PCDH15: variants seen among roughly 807,000 people sequenced by gnomAD.
PCDH15 encodes the protein protocadherin related 15.
Under a neutral mutation model 178.5 loss-of-function variants are expected in PCDH15, and 129 were observed. That is an observed-to-expected ratio of 0.72 (90% CI 0.63 to 0.84). The LOEUF is 0.84. PCDH15 is among the 40% of genes least tolerant of loss of function. The pLI, the probability that PCDH15 is intolerant of heterozygous loss-of-function variation, is 0.00. For missense variants in PCDH15, 2,230 were observed against 2,099.9 expected (o/e 1.06, Z -1.21); for synonymous variants, 800 against 732.0 (o/e 1.09, Z -1.50).
chr10:53,878,337 CTA>C lies in PCDH15; in HGVS notation c.3502-11482_3502-11481del, dbSNP rs2080418875. Reference sequence around the variant, plus strand: ...ATTCTATATATATAGTCTATATAGTCTATATATAATAGACTATATATACTCAT... The same window carrying C: ...ATTCTATATATATAGTCTATATAGTCTATATAATAGACTATATATACTCAT... On this transcript the variant is annotated intron_variant, in intron 26 of 37. Coordinates refer to ENST00000644397, the MANE Select transcript of PCDH15 (RefSeq NM_001384140.1). Among the ~76,000 whole-genome samples the C allele has an allele frequency of 4.1e-5, 4 of 98,266 alleles. No homozygotes were observed. The South Asian group carries it at 1.3e-3, about 32-fold the overall frequency. The allele number at this position is 98,266 out of a possible 152,430, so 64.5% of individuals were successfully genotyped here.
chr10:54,949,133 C>T (rs1352621244), intron 2 of PCDH15, among the ~76,000 whole-genome samples: 4 of 151,734 alleles, frequency 2.6e-5, no homozygotes, highest in Non-Finnish European at 5.9e-5. Flanking sequence ...CATAAATTTT[C>T]CCCTAACTTT....
intron 3 of PCDH15, among the ~76,000 whole-genome samples, 180 bp from the exon 4 acceptor site, chr10:54,379,122 T>C (rs1948858091): frequency 6.6e-6 from 1 of 152,140 alleles, no homozygotes; most frequent in Non-Finnish European, 1.5e-5. Context: ...CTGCATTATA[T>C]TATTTATAAA....
At chr10:54,386,427 G>A (rs1258376439) in intron 3 of PCDH15, among the ~76,000 whole-genome samples, 3 of 152,034 alleles carry the variant, frequency 2.0e-5, no homozygotes, top group Non-Finnish European at 2.9e-5. Flanking sequence ...ATTTAAGAAA[G>A]AGGAAGATTG....
rs929785567 is a variant in PCDH15 at position 54,639,438 on chromosome 10, C to CA, written c.91+24733dup. On this transcript the variant is annotated intron_variant, in intron 2 of 37. Transcript: ENST00000644397. ...TTCTTCATTTTGTTACATTAAAAGG[C>CA]AAAAAAAAAGGTCTCAGAAGTTTAA... Among the ~76,000 whole-genome samples the CA allele has an allele frequency of 3.2e-3, 475 of 147,506 alleles. 4 individuals are homozygous for CA. The highest frequency in any genetic ancestry group is 0.011 in the African/African-American group (439 of 40,192).
chr10:54,792,648 G>T (rs1358279218), intron 1 of PCDH15, among the ~76,000 whole-genome samples: 11 of 151,830 alleles, frequency 7.2e-5, no homozygotes, highest in Non-Finnish European at 1.5e-4. Context: ...CTTGAACTCA[G>T]ACTGGATCAA....
At chr10:54,307,842 A>G (rs955441762) in intron 8 of PCDH15, among the ~76,000 whole-genome samples, 2 of 152,052 alleles carry the variant, frequency 1.3e-5, no homozygotes, top group Non-Finnish European at 2.9e-5. Flanking sequence ...TTAATAACTA[A>G]TTTGAATTAG....
chr10:53,852,207 T>C (rs1033390239), intron 28 of PCDH15, among the ~76,000 whole-genome samples: 4 of 152,114 alleles, frequency 2.6e-5, no homozygotes, highest in African/African-American at 9.6e-5. Context: ...GACAATTATT[T>C]GCCAATTATT....
At chr10:53,859,358 G>A (rs748052183) in intron 27 of PCDH15, among the ~76,000 whole-genome samples, 1 of 152,120 alleles carries the variant, frequency 6.6e-6, no homozygotes, top group African/African-American at 2.4e-5. Flanking sequence ...AACATTAGCA[G>A]GATACTGGAA....
At chr10:55,071,413 A>T (rs1459031698) in intron 2 of PCDH15, among the ~76,000 whole-genome samples, 1 of 152,182 alleles carries the variant, frequency 6.6e-6, no homozygotes, top group East Asian at 1.9e-4. Flanking sequence ...TCTACCAAGC[A>T]AATGGAAAAC....
At chr10:54,812,311 C>T (rs1364284845) in intron 3 of PCDH15, among the ~76,000 whole-genome samples, 5 of 147,244 alleles carry the variant, frequency 3.4e-5, no homozygotes, top group African/African-American at 1.3e-4. Context: ...CGCTCTGACA[C>T]TCAGGCTGAA....
At chr10:54,208,461 T>C (rs1319861045) in intron 10 of PCDH15, among the ~76,000 whole-genome samples, 1 of 151,922 alleles carries the variant, frequency 6.6e-6, no homozygotes, top group Non-Finnish European at 1.5e-5. Context: ...CTCATAAAAG[T>C]AGTTAGTGTC....
intron 1 of PCDH15, among the ~76,000 whole-genome samples, chr10:55,206,372 GTC>G (rs1840402972): frequency 6.6e-6 from 1 of 152,086 alleles, no homozygotes; most frequent in East Asian, 1.9e-4. Context: ...ACTTTTCCAA[GTC>G]TCTTTCCCAT....
At chr10:55,300,160 C>T (rs971552433) in intron 1 of PCDH15, among the ~76,000 whole-genome samples, 2 of 152,150 alleles carry the variant, frequency 1.3e-5, no homozygotes, top group African/African-American at 2.4e-5. Context: ...GTTTACCCTA[C>T]ATTAGCCTCT....
intron 2 of PCDH15, among the ~76,000 whole-genome samples, chr10:54,576,878 C>A (rs1198307618): frequency 1.3e-5 from 2 of 152,010 alleles, no homozygotes; most frequent in African/African-American, 4.8e-5. Context: ...GTGTTTCAGA[C>A]ATTTGTGAAA....
chr10:54,101,006 G>C (rs1416159616), intron 15 of PCDH15, among the ~76,000 whole-genome samples: 1 of 152,156 alleles, frequency 6.6e-6, no homozygotes, highest in Non-Finnish European at 1.5e-5. Flanking sequence ...GGTTGATATG[G>C]CTTGTCTGTG....
chr10:55,384,663 G>A (rs1157777523), intron 2 of PCDH15, among the ~76,000 whole-genome samples: 4 of 151,778 alleles, frequency 2.6e-5, no homozygotes, highest in Non-Finnish European at 5.9e-5. Context: ...AAATACTATT[G>A]CAACATTTAA....
intron 2 of PCDH15, among the ~76,000 whole-genome samples, chr10:55,049,349 GA>G (rs1841097938): frequency 6.6e-6 from 1 of 151,790 alleles, no homozygotes; most frequent in East Asian, 1.9e-4. Context: ...TGTATCTTCA[GA>G]CAACATGAAA....
chr10:54,111,131 G>A (rs552221616), intron 15 of PCDH15, among the ~76,000 whole-genome samples: 1 of 152,074 alleles, frequency 6.6e-6, no homozygotes, highest in Non-Finnish European at 1.5e-5. Flanking sequence ...AAAAATTACA[G>A]CCTTTATATA....
Position 55,425,019 on chromosome 10 carries a change from G to T in PCDH15, c.-156+202606C>A, listed in dbSNP as rs1056682214. On this transcript the variant is annotated intron_variant, in intron 2 of 5. Coordinates refer to the PCDH15 transcript ENST00000613346. ...TAAGAAACAGATCAAATTATAGAAA[G>T]TATTAAGGGGATATTATTAAATTGA... Among the ~76,000 whole-genome samples the T allele has an allele frequency of 1.5e-4, 23 of 151,772 alleles. No individual in the cohort carries two copies. In the East Asian group the frequency reaches 4.3e-3, roughly 28 times the overall value.
Sources: allele counts gnomAD v4.1 joint callset (sites outside exome capture counted in the v4.1 genomes callset), GRCh38; gene constraint gnomAD v4.1.1; transcripts MANE v1.5; gene names NCBI Gene and HGNC (gene_info 2026-07-23, HGNC 2026-07-21).